The following RPL26L1 variants were observed in gnomAD, a reference collection of about 807,000 sequenced individuals.
RPL26L1 encodes ribosomal protein uL24-like.
In RPL26L1, 8 loss-of-function variants were observed where a neutral mutation model predicts 15.2. That is an observed-to-expected ratio of 0.53 (90% CI 0.31 to 0.95). The LOEUF (loss-of-function observed/expected upper bound fraction) is 0.95. Ranked by LOEUF, RPL26L1 falls within the 40% of genes least tolerant of loss-of-function variation. The pLI, the probability that RPL26L1 is intolerant of heterozygous loss-of-function variation, is 0.05. For synonymous variants in RPL26L1, 51 were observed against 65.9 expected (o/e 0.77, Z 1.09); for missense variants, 146 against 190.9 (o/e 0.76, Z 1.39).
At chr5:172,968,677 C>T (rs1755567647) in intron 3 of RPL26L1, 78 bp downstream of exon 3, 2 of 1,558,102 alleles carry the variant, frequency 1.3e-6, no homozygotes, top group Non-Finnish European at 1.8e-6. Context: ...TTTTGGTACT[C>T]CCTGCACAGT....
At chr5:172,968,934 A>G (rs1160890802) in intron 3 of RPL26L1, among the ~76,000 whole-genome samples, 2 of 146,996 alleles carry the variant, frequency 1.4e-5, no homozygotes, top group Non-Finnish European at 3.0e-5. Flanking sequence ...CAGCCTCCCA[A>G]GTAGCTGGGA....
At chr5:172,957,283 T>A, upstream of RPL26L1, 1 of 456,246 alleles carries the variant, frequency 2.2e-6, no homozygotes, top group Non-Finnish European at 4.4e-6. Flanking sequence ...CAGGATATCA[T>A]TGTGCCTGTT....
rs1357911493 is a variant in RPL26L1 at position 172,968,711 on chromosome 5, T to G, written c.309+112T>G. 4 of 1,201,346 alleles carry G rather than the reference T, an allele frequency of 3.3e-6. No individual in the cohort carries two copies. In the Admixed American group the frequency reaches 7.7e-5, roughly 23 times the overall value. The allele number at this position is 1,201,346 out of a possible 1,614,324, so 74.4% of individuals were successfully genotyped here. On this transcript the variant is annotated intron_variant, in intron 3 of 3. Transcript: ENST00000265100. ...GTTGGCTGAGGCAGGCCAGGTGGACTTGATTGATTCAGTAGCTTTGTGATA... is the reference window on the plus strand; with the variant it reads ...GTTGGCTGAGGCAGGCCAGGTGGACGTGATTGATTCAGTAGCTTTGTGATA...
chr5:172,956,914 G>T (rs1006541998), upstream of RPL26L1: 4 of 241,092 alleles, frequency 1.7e-5, no homozygotes, highest in South Asian at 8.4e-5. Flanking sequence ...CTCCAGCCTG[G>T]GCGACAGAGC....
intron 2 of RPL26L1, among the ~76,000 whole-genome samples, chr5:172,963,853 C>G (rs1454276268): frequency 6.6e-6 from 1 of 152,154 alleles, no homozygotes; most frequent in Non-Finnish European, 1.5e-5. Context: ...CAGTAAGTTC[C>G]TATGTGACTT....
chr5:172,961,343 G>C (rs992161878), intron 2 of RPL26L1, among the ~76,000 whole-genome samples: 3 of 152,074 alleles, frequency 2.0e-5, no homozygotes, highest in Non-Finnish European at 4.4e-5. Flanking sequence ...GGATAGGTAG[G>C]GATAGAAAAT....
chr5:172,969,159 A>G (rs1015602767), intron 3 of RPL26L1, among the ~76,000 whole-genome samples: 4 of 151,944 alleles, frequency 2.6e-5, no homozygotes, highest in Admixed American at 2.6e-4. Flanking sequence ...TCTAGGCATC[A>G]CTTCCCCTAC....
At chr5:172,958,180 C>T (rs181644830), upstream of RPL26L1, 5,643 of 356,728 alleles carry the variant, frequency 0.016, 134 homozygotes, top group South Asian at 0.052. Flanking sequence ...AGGAGAATCG[C>T]TTGAACTTGG....
chr5:172,963,997 G>C lies in RPL26L1; in HGVS notation c.168+3956G>C, dbSNP rs190964171. On this transcript the variant is annotated intron_variant, in intron 2 of 3. Transcript: ENST00000265100. ...AGTGCAGAGCCTGACACTTAGAGAG[G>C]AGAAGGGTCAGTCAATATTTGTTGA... 6.7e-4 allele frequency among the ~76,000 whole-genome samples: 102 copies of C among 152,242 alleles called. No individual in the cohort carries two copies. The Middle Eastern group carries it at 0.027, about 41-fold the overall frequency.
upstream of RPL26L1, chr5:172,958,264 C>CAAAA (rs5873347): frequency 1.4e-3 from 405 of 287,036 alleles, 1 homozygote; most frequent in South Asian, 2.8e-3. Flanking sequence ...AACTCTATCT[C>CAAAA]AAAAAAAAAA....
Position 172,969,431 on chromosome 5 carries a change from A to T in RPL26L1, c.328A>T (p.Lys110Ter), listed in dbSNP as rs1207413087. 6.2e-7 allele frequency: 1 copy of T among 1,613,604 alleles called. No individual in the cohort carries two copies. The highest frequency in any genetic ancestry group is 2.2e-5 in the East Asian group (1 of 44,872). The change falls in exon 4 of 4, where the codon AAA becomes TAA. Residue 110 changes from lysine (K) to a stop codon, truncating the protein, a stop_gained. Transcript: ENST00000265100. LOFTEE classifies it high-confidence loss of function. Reference sequence around the variant, plus strand: ...CCAACAGGTGGTTATCACCAGGCTAAAACTGGACAAGGATCGGAAAAAAAT... The same window carrying T: ...CCAACAGGTGGTTATCACCAGGCTATAACTGGACAAGGATCGGAAAAAAAT... Reference protein sequence around the residue: ...HPSKVVITRLKLDKDRKKILE... With the variant: ...HPSKVVITRL
chr5:172,966,546 T>C (rs34467411), intron 2 of RPL26L1, among the ~76,000 whole-genome samples: 94,433 of 151,732 alleles, frequency 0.62, 34,893 homozygotes, highest in Non-Finnish European at 0.81. Context: ...GGTGGATCTC[T>C]TGAGCTCAGG....
chr5:172,954,843 C>G (rs372218092), upstream of RPL26L1: 18 of 429,482 alleles, frequency 4.2e-5, no homozygotes, highest in Middle Eastern at 3.4e-4. Flanking sequence ...AATTGTCTAA[C>G]CAGATGTGGA....
intron 2 of RPL26L1, among the ~76,000 whole-genome samples, chr5:172,964,281 CTTTTT>C (rs1204432096): frequency 1.0e-5 from 1 of 99,234 alleles, no homozygotes; most frequent in East Asian, 2.9e-4. Flanking sequence ...GGCCTGTTGC[CTTTTT>C]TTTTTTTTTT....
At chr5:172,958,124 C>T (rs1404520737), upstream of RPL26L1, 3 of 308,450 alleles carry the variant, frequency 9.7e-6, no homozygotes, top group South Asian at 5.2e-5. Context: ...ATTAGCCGGG[C>T]GTGGTGGCGC....
intron 2 of RPL26L1, among the ~76,000 whole-genome samples, chr5:172,965,826 A>G (rs1339614325): frequency 1.6e-4 from 24 of 152,176 alleles, no homozygotes; most frequent in Admixed American, 1.6e-3. Flanking sequence ...CCACGTCTCT[A>G]TTGCTGGCCC....
intron 1 of RPL26L1, 139 bp downstream of exon 1, chr5:172,959,607 C>T: frequency 8.0e-7 from 1 of 1,251,976 alleles, no homozygotes; most frequent in Admixed American, 3.4e-5. Context: ...CTAACCCTAG[C>T]ATTCCTTCCT....
chr5:172,958,308 T>C (rs1015450835), upstream of RPL26L1: 2 of 438,418 alleles, frequency 4.6e-6, no homozygotes, highest in Non-Finnish European at 9.1e-6. Flanking sequence ...AACGCAGGTG[T>C]TTAACAATGT....
upstream of RPL26L1, chr5:172,955,066 G>T: frequency 2.2e-6 from 1 of 455,522 alleles, no homozygotes; most frequent in Non-Finnish European, 4.4e-6. Context: ...CCTGGGAAGA[G>T]GGGGTGAAAC....
Sources: allele counts gnomAD v4.1 joint callset (sites outside exome capture counted in the v4.1 genomes callset), GRCh38; gene constraint gnomAD v4.1.1; transcripts MANE v1.5; gene names NCBI Gene and HGNC (gene_info 2026-07-23, HGNC 2026-07-21).